Variants in TGFBR3 observed in about 807,000 individuals in gnomAD.
TGFBR3 encodes the protein transforming growth factor beta receptor type 3.
TGFBR3 carries 46 observed loss-of-function variants against 87.9 expected under a neutral mutation model. The ratio of observed to expected loss-of-function variants is 0.52; its 90% CI spans 0.41 to 0.67. The LOEUF is 0.67. TGFBR3 is among the 30% of genes least tolerant of loss of function. The pLI is 0.00. For missense variants in TGFBR3, 866 were observed against 1,041.9 expected (o/e 0.83, Z 2.32); for synonymous variants, 381 against 391.6 (o/e 0.97, Z 0.32).
At chr1:91,874,015 C>A (rs1167332811) in intron 1 of TGFBR3, among the ~76,000 whole-genome samples, 3 of 152,032 alleles carry the variant, frequency 2.0e-5, no homozygotes, top group Non-Finnish European at 4.4e-5. Flanking sequence ...CAAGTGCCTG[C>A]TTCATGCCAG....
chr1:91,842,218 A>G lies in TGFBR3; in HGVS notation c.61+19253T>C, dbSNP rs569214843. Among the ~76,000 whole-genome samples, 11 of 152,338 alleles carry G rather than the reference A, an allele frequency of 7.2e-5. 1 individual carries two copies. The South Asian group carries it at 2.1e-3, about 29-fold the overall frequency. ...TAGTGGGGGAAGATAAATAATAAAC[A>G]TAAGTAAATTACAAGCAGCTTTTGA... On this transcript the variant is annotated intron_variant, in intron 2 of 16. Coordinates refer to ENST00000212355, the MANE Select transcript of TGFBR3 (RefSeq NM_003243.5).
chr1:91,901,368 T>C (rs1417600449), intron 1 of TGFBR3, among the ~76,000 whole-genome samples: 2 of 152,148 alleles, frequency 1.3e-5, no homozygotes, highest in Admixed American at 6.5e-5. Context: ...AGAAGTAATA[T>C]CTGAAAATAT....
chr1:91,834,418 G>T (rs1051157539), intron 2 of TGFBR3, among the ~76,000 whole-genome samples: 1 of 152,168 alleles, frequency 6.6e-6, no homozygotes, highest in Admixed American at 6.5e-5. Context: ...TTTGGTTCAG[G>T]CCTGAAGAAT....
intron 2 of TGFBR3, among the ~76,000 whole-genome samples, chr1:91,806,922 G>C (rs1303448001): frequency 6.6e-6 from 1 of 152,192 alleles, no homozygotes; most frequent in African/African-American, 2.4e-5. Context: ...GAATCTGTAA[G>C]AAAGGGCACC....
chr1:91,883,798 G>T (rs751681181), intron 1 of TGFBR3, among the ~76,000 whole-genome samples: 68 of 148,422 alleles, frequency 4.6e-4, no homozygotes, highest in Non-Finnish European at 8.3e-4. Context: ...AAACGCTCAA[G>T]CCTTGAAACA....
Position 91,823,449 on chromosome 1 carries a change from T to C in TGFBR3, c.62-25978A>G, listed in dbSNP as rs143529539. The stretch of plus-strand genomic sequence containing the variant: ...GGTTCATAGCTACTTAACTGCATAA[T>C]ACTAAAAGGAAACAACCTAAACATC... On this transcript the variant is annotated intron_variant, in intron 2 of 16. Coordinates refer to ENST00000212355, the MANE Select transcript of TGFBR3 (RefSeq NM_003243.5). Among the ~76,000 whole-genome samples, 78 of 152,246 alleles carry C rather than the reference T, an allele frequency of 5.1e-4. 1 individual carries two copies. The highest frequency in any genetic ancestry group is 1.8e-3 in the African/African-American group (76 of 41,544).
chr1:91,791,508 G>C (rs886657319), intron 3 of TGFBR3, among the ~76,000 whole-genome samples: 1 of 152,154 alleles, frequency 6.6e-6, no homozygotes, highest in Non-Finnish European at 1.5e-5. Context: ...GAATCAAAAA[G>C]GACTCCAAGC....
At chr1:91,886,354 T>C (rs1679318829), upstream of TGFBR3, 14 of 359,482 alleles carry the variant, frequency 3.9e-5, no homozygotes, top group South Asian at 2.7e-4. Flanking sequence ...CCGCGGCTGA[T>C]GGATGAGCCC....
chr1:91,903,338 C>CAACAA (rs1679773105), intron 1 of TGFBR3, among the ~76,000 whole-genome samples: 2 of 50,486 alleles, frequency 4.0e-5, no homozygotes, highest in Admixed American at 7.2e-4. Context: ...GATTCTGCCT[C>CAACAA]AAAAAAAAAA....
chr1:91,735,275 T>C lies in TGFBR3; in HGVS notation c.385-316A>G, dbSNP rs113042178. ...AGAAATCTAAATCGAAGACCAATCT[T>C]ACAATGAATGTATTTCAAGTCAAGT... is the stretch of plus-strand genomic sequence containing the variant. On this transcript the variant is annotated intron_variant, in intron 4 of 16. Coordinates refer to ENST00000212355, the MANE Select transcript of TGFBR3 (RefSeq NM_003243.5). Among the ~76,000 whole-genome samples the C allele has an allele frequency of 9.8e-5, 15 of 152,354 alleles. 1 individual carries two copies. Among genetic ancestry groups the C allele is most frequent in the African/African-American group, 3.4e-4 (14 of 41,594 alleles).
At chr1:91,801,095 AAAAAAGAG>A in intron 2 of TGFBR3, 1 of 223,378 alleles carries the variant, frequency 4.5e-6, no homozygotes, top group Non-Finnish European at 8.9e-6. Flanking sequence ...AAAAAAAAAA[AAAAAAGAG>A]AGAGAGAGAG....
chr1:91,731,462 A>G (rs1220161532), intron 5 of TGFBR3, among the ~76,000 whole-genome samples: 2 of 152,186 alleles, frequency 1.3e-5, no homozygotes, highest in African/African-American at 4.8e-5. Context: ...CTCAGAGAGA[A>G]AAGCTCAAGG....
chr1:91,854,319 T>C (rs1262674704), intron 2 of TGFBR3, among the ~76,000 whole-genome samples: 1 of 152,016 alleles, frequency 6.6e-6, no homozygotes, highest in East Asian at 1.9e-4. Flanking sequence ...CTGGTGCCAG[T>C]CATGTCCTTC....
intron 3 of TGFBR3, among the ~76,000 whole-genome samples, chr1:91,787,368 C>T (rs1463428133): frequency 2.6e-5 from 4 of 151,884 alleles, no homozygotes; most frequent in African/African-American, 9.7e-5. Context: ...GGAAACAGGG[C>T]TTAGGGAATT....
At chr1:91,882,169 C>T (rs1480909309) in intron 1 of TGFBR3, among the ~76,000 whole-genome samples, 15 of 145,218 alleles carry the variant, frequency 1.0e-4, no homozygotes, top group African/African-American at 1.5e-4. Flanking sequence ...GACAGAACCT[C>T]GCTGTCTGCC....
At position 91,768,212 on chromosome 1, in the gene TGFBR3, C is replaced by CAAAAA. The variant is rs3039442; in HGVS notation, c.247-9467_247-9463dup. Among the ~76,000 whole-genome samples the CAAAAA allele has an allele frequency of 1.7e-4, 22 of 127,410 alleles. 1 individual carries two copies. The highest frequency in any genetic ancestry group is 2.6e-4 in the Non-Finnish European group (16 of 61,156). 83.6% of individuals were successfully genotyped at this position (127,410 alleles called of 152,430 possible). On this transcript the variant is annotated intron_variant, in intron 3 of 16. Transcript: ENST00000212355. The stretch of plus-strand genomic sequence containing the variant: ...GGGCAACAAGAGCGAAACTCCATCT[C>CAAAAA]AAAAAAAAAAAAAAAATAGAAGACT...
chr1:91,888,239 T>C (rs1465838356), upstream of TGFBR3, among the ~76,000 whole-genome samples: 4 of 152,224 alleles, frequency 2.6e-5, no homozygotes, highest in Non-Finnish European at 4.4e-5. Context: ...TCCCCAGCCA[T>C]GTGGAACTGT....
At chr1:91,737,692 G>A (rs1314414181) in intron 4 of TGFBR3, among the ~76,000 whole-genome samples, 1 of 152,172 alleles carries the variant, frequency 6.6e-6, no homozygotes, top group African/African-American at 2.4e-5. Flanking sequence ...GTTTAAAGGT[G>A]TCATCTGACC....
Position 91,680,896 on chromosome 1 carries a change from A to T in TGFBR3, c.*2843T>A, listed in dbSNP as rs1236393318. On this transcript the variant is annotated 3_prime_UTR_variant, in exon 17 of 17. Coordinates refer to ENST00000212355, the MANE Select transcript of TGFBR3 (RefSeq NM_003243.5). ...TTTGTTTAGAAAATGCTATAGAAACAGTTTAGACAGAAGAAATCTCTGGCT... is the reference window on the plus strand; with the variant it reads ...TTTGTTTAGAAAATGCTATAGAAACTGTTTAGACAGAAGAAATCTCTGGCT... 3 of 453,342 alleles carry T rather than the reference A, an allele frequency of 6.6e-6. No homozygotes were observed. In the Admixed American group the frequency reaches 7.1e-5, roughly 11 times the overall value. The allele number at this position is 453,342 out of a possible 1,614,324, so 28.1% of individuals were successfully genotyped here. A position where few individuals can be genotyped will look rare whatever the true frequency, so the allele number is the denominator to read the frequency against.
Sources: gnomAD v4.1 joint callset for allele counts (sites outside exome capture counted in the v4.1 genomes callset) on GRCh38, gnomAD v4.1.1 for gene constraint, MANE v1.5 for transcripts, NCBI Gene and HGNC (gene_info 2026-07-23, HGNC 2026-07-21) for gene names.